RTL4: variants seen among roughly 807,000 people sequenced by gnomAD.
RTL4 encodes the protein retrotransposon Gag like 4, also known as retrotransposon Gag-like protein 4.
A neutral mutation model predicts 5.3 loss-of-function variants in RTL4; 4 were observed. The observed-to-expected ratio is 0.75, with a 90% CI of 0.37 to 1.72. The LOEUF (loss-of-function observed/expected upper bound fraction) is 1.72. RTL4 is among the 40% of genes most tolerant of loss of function. The probability of loss-of-function intolerance (pLI) is 0.04; values close to 1 mark genes in which losing one functional copy is unlikely to be tolerated. For missense variants in RTL4, 260 were observed against 227.1 expected (o/e 1.14, Z -0.93); for synonymous variants, 98 against 87.3 (o/e 1.12, Z -0.68).
At chrX:112,268,806 G>T in the RTL4 span, among the ~76,000 whole-genome samples, 1 of 112,051 alleles carries the variant, frequency 8.9e-6, no homozygotes, top group Non-Finnish European at 1.9e-5. Context: ...ATGTTCCACT[G>T]GCACCTCAAA....
the RTL4 span, among the ~76,000 whole-genome samples, chrX:112,240,255 A>C: frequency 2.7e-5 from 3 of 111,766 alleles, no homozygotes; most frequent in Non-Finnish European, 3.8e-5. Context: ...GATGAATAGA[A>C]ATTGTCCAAT....
At chrX:112,127,864 C>T in the RTL4 span, among the ~76,000 whole-genome samples, 1 of 111,220 alleles carries the variant, frequency 9.0e-6, no homozygotes, top group East Asian at 2.8e-4. Context: ...AATGTTTAAC[C>T]AAGGAAGGAA....
the RTL4 span, among the ~76,000 whole-genome samples, chrX:112,314,827 G>A: frequency 4.5e-5 from 5 of 111,011 alleles, no homozygotes; most frequent in East Asian, 1.4e-3. Flanking sequence ...TCTTTTCCAT[G>A]CACACTATCT....
chrX:112,335,296 C>G, the RTL4 span, among the ~76,000 whole-genome samples: 2 of 111,332 alleles, frequency 1.8e-5, no homozygotes, highest in Non-Finnish European at 3.8e-5. Context: ...CTTATTCCTA[C>G]TCTTCTGTTT....
At chrX:112,335,564 G>C in the RTL4 span, among the ~76,000 whole-genome samples, 1 of 110,167 alleles carries the variant, frequency 9.1e-6, no homozygotes, top group Non-Finnish European at 1.9e-5. Flanking sequence ...ATTTTCTTTT[G>C]CTTACAGTTT....
the RTL4 span, among the ~76,000 whole-genome samples, chrX:112,125,067 ATT>A: frequency 2.2e-4 from 21 of 95,570 alleles, no homozygotes; most frequent in Middle Eastern, 5.2e-3. Flanking sequence ...CACCTGGCTA[ATT>A]TTTTTTTTTT....
the RTL4 span, among the ~76,000 whole-genome samples, chrX:112,228,350 T>C: frequency 8.9e-6 from 1 of 112,272 alleles, no homozygotes; most frequent in Non-Finnish European, 1.9e-5. Flanking sequence ...GAACCATTTT[T>C]ATTTTAATTG....
chrX:112,105,237 C>T, the RTL4 span, among the ~76,000 whole-genome samples: 1 of 111,598 alleles, frequency 9.0e-6, no homozygotes, highest in Non-Finnish European at 1.9e-5. Context: ...CTATTCTGTT[C>T]CATCGGTCTG....
chrX:112,203,949 T>C, the RTL4 span, among the ~76,000 whole-genome samples: 2 of 112,458 alleles, frequency 1.8e-5, no homozygotes, highest in African/African-American at 6.4e-5. Context: ...TTTTGTAGTT[T>C]TGAGTATGGA....
chrX:112,428,862 G>T, the RTL4 span, among the ~76,000 whole-genome samples: 3 of 111,518 alleles, frequency 2.7e-5, no homozygotes, highest in Non-Finnish European at 3.8e-5. Flanking sequence ...ACTAAAGATT[G>T]CTAGGTTTTC....
the RTL4 span, among the ~76,000 whole-genome samples, chrX:112,239,084 G>T: frequency 9.0e-6 from 1 of 111,546 alleles, no homozygotes; most frequent in African/African-American, 3.3e-5. Flanking sequence ...GTATTGATGG[G>T]CAGAGTGGGA....
chrX:112,084,562 A>G, the RTL4 span, among the ~76,000 whole-genome samples: 1 of 111,146 alleles, frequency 9.0e-6, no homozygotes, highest in Non-Finnish European at 1.9e-5. Context: ...TTTTACTGTG[A>G]ACCAGCAAAC....
At chrX:112,198,919 T>A in the RTL4 span, among the ~76,000 whole-genome samples, 1 of 110,449 alleles carries the variant, frequency 9.1e-6, no homozygotes, top group South Asian at 3.9e-4. Flanking sequence ...GAAGGAAGAT[T>A]AAGAGTTAAC....
chrX:112,331,912 A>T, the RTL4 span, among the ~76,000 whole-genome samples: 5 of 98,455 alleles, frequency 5.1e-5, no homozygotes, highest in African/African-American at 1.6e-4. Flanking sequence ...ACAAGAACAA[A>T]AAACCAAACA....
chrX:112,176,243 G>T, the RTL4 span, among the ~76,000 whole-genome samples: 1 of 111,895 alleles, frequency 8.9e-6, no homozygotes, highest in Non-Finnish European at 1.9e-5. Context: ...ACAAATGGAA[G>T]AACATTCCAT....
the RTL4 span, among the ~76,000 whole-genome samples, chrX:112,114,686 C>T: frequency 9.0e-6 from 1 of 111,193 alleles, no homozygotes; most frequent in African/African-American, 3.3e-5. Flanking sequence ...TTGTTTGTTT[C>T]CTTCTGGGCA....
chrX:112,371,973 G>A, the RTL4 span, among the ~76,000 whole-genome samples: 1 of 111,590 alleles, frequency 9.0e-6, no homozygotes, highest in South Asian at 3.7e-4. Context: ...AAAATAAATT[G>A]CTATTATTTG....
chrX:112,119,284 G>GT, the RTL4 span, among the ~76,000 whole-genome samples: 7 of 110,629 alleles, frequency 6.3e-5, no homozygotes, highest in East Asian at 1.1e-3. Context: ...TGATTACTGT[G>GT]TTTTTTTAAA....
chrX:112,181,904 G>T, the RTL4 span, among the ~76,000 whole-genome samples: 1 of 111,622 alleles, frequency 9.0e-6, no homozygotes, highest in Non-Finnish European at 1.9e-5. Flanking sequence ...CTTGCAGCAG[G>T]GATTGACAGG....
Sources: gnomAD v4.1 joint callset for allele counts (sites outside exome capture counted in the v4.1 genomes callset) on GRCh38, gnomAD v4.1.1 for gene constraint, MANE v1.5 for transcripts, NCBI Gene and HGNC (gene_info 2026-07-23, HGNC 2026-07-21) for gene names.